GTF3C5: variants seen among roughly 807,000 people sequenced by gnomAD.
GTF3C5 encodes the protein general transcription factor 3C polypeptide 5.
GTF3C5 carries 47 observed loss-of-function variants against 61.0 expected under a neutral mutation model. That is an observed-to-expected ratio of 0.77 (90% CI 0.61 to 0.98). The LOEUF is 0.98. GTF3C5 is among the 50% of genes least tolerant of loss of function. The probability of loss-of-function intolerance (pLI) is 0.00; values close to 1 mark genes in which losing one functional copy is unlikely to be tolerated. For synonymous variants in GTF3C5, 295 were observed against 275.4 expected (o/e 1.07, Z -0.71); for missense variants, 659 against 703.3 (o/e 0.94, Z 0.71).
At position 133,045,853 on chromosome 9, in the gene GTF3C5, T is replaced by G. The variant is rs1022592284; in HGVS notation, c.572+1927T>G. ...GGTTTCACCATATTGGCCAGGCTGGTCTCGAACTCCTGGCCTCCAGTGATC... is the reference window on the plus strand; with the variant it reads ...GGTTTCACCATATTGGCCAGGCTGGGCTCGAACTCCTGGCCTCCAGTGATC... On this transcript the variant is annotated intron_variant, in intron 3 of 10. Transcript: ENST00000372097. Among the ~76,000 whole-genome samples, 3 of 151,974 alleles carry G rather than the reference T, an allele frequency of 2.0e-5. No homozygotes were observed. The East Asian group carries it at 5.8e-4, about 29-fold the overall frequency.
At chr9:133,053,793 C>G in intron 5 of GTF3C5, 35 bp from the exon 6 acceptor site, 5 of 1,409,774 alleles carry the variant, frequency 3.5e-6, no homozygotes, top group Non-Finnish European at 5.0e-6. Context: ...TGGGCCTTCA[C>G]CTCACCTCAC....
At chr9:133,049,567 C>T (rs1292663916) in intron 3 of GTF3C5, among the ~76,000 whole-genome samples, 1 of 152,152 alleles carries the variant, frequency 6.6e-6, no homozygotes, top group African/African-American at 2.4e-5. Context: ...CGATGAAATG[C>T]AGTTAACCAT....
At chr9:133,054,590 G>A in intron 7 of GTF3C5, 102 bp downstream of exon 7, 1 of 1,410,512 alleles carries the variant, frequency 7.1e-7, no homozygotes, top group Non-Finnish European at 9.8e-7. Flanking sequence ...TCACTCCAGG[G>A]CTCTGCCGGT....
At chr9:133,034,018 TA>T (rs1849800665) in intron 1 of GTF3C5, among the ~76,000 whole-genome samples, 1 of 152,072 alleles carries the variant, frequency 6.6e-6, no homozygotes, top group Non-Finnish European at 1.5e-5. Context: ...CAGTCAACCT[TA>T]GAGAGGGTTC....
chr9:133,048,975 G>T (rs1003054782), intron 3 of GTF3C5, among the ~76,000 whole-genome samples: 2 of 152,186 alleles, frequency 1.3e-5, no homozygotes, highest in Non-Finnish European at 2.9e-5. Flanking sequence ...TGCCTCCTTG[G>T]CCCCTTCCTG....
At chr9:133,054,060 C>A in intron 6 of GTF3C5, 118 bp downstream of exon 6, 1 of 735,100 alleles carries the variant, frequency 1.4e-6, no homozygotes, top group African/African-American at 1.8e-5. Flanking sequence ...ACCTTTTGCC[C>A]CCGTTGCTGA....
chr9:133,045,223 C>T (rs879661280), intron 3 of GTF3C5, among the ~76,000 whole-genome samples: 16 of 152,326 alleles, frequency 1.1e-4, no homozygotes, highest in East Asian at 1.9e-4. Flanking sequence ...TGTGCAGCAG[C>T]GCTGTGAGTG....
chr9:133,030,746 G>A (rs1248661284), upstream of GTF3C5: 8 of 581,666 alleles, frequency 1.4e-5, no homozygotes, highest in African/African-American at 1.5e-4. Flanking sequence ...GCTAGTAGGA[G>A]AGACTGGTGC....
At chr9:133,030,917 G>A (rs776900278), upstream of GTF3C5, 2 of 1,404,482 alleles carry the variant, frequency 1.4e-6, no homozygotes, top group African/African-American at 1.4e-5. Flanking sequence ...AGCGGTGAGG[G>A]AGCCCGGAAC....
chr9:133,030,782 C>T (rs1338321684), upstream of GTF3C5: 5 of 638,958 alleles, frequency 7.8e-6, no homozygotes, highest in Middle Eastern at 5.3e-4. Context: ...GACTAACTCG[C>T]TTAATTTTAA....
At chr9:133,031,260 T>C in intron 1 of GTF3C5, 96 bp downstream of exon 1, 1 of 1,101,018 alleles carries the variant, frequency 9.1e-7, no homozygotes, top group Non-Finnish European at 1.3e-6. Context: ...ATTTAGCAAA[T>C]TTACTTACGC....
chr9:133,054,889 G>T (rs748120323), intron 8 of GTF3C5, 80 bp downstream of exon 8: 19 of 1,536,834 alleles, frequency 1.2e-5, no homozygotes, highest in Non-Finnish European at 1.6e-5. Flanking sequence ...CACCTGGGGG[G>T]CTGTGATTAG....
At chr9:133,047,880 T>C (rs984319512) in intron 3 of GTF3C5, among the ~76,000 whole-genome samples, 5 of 152,208 alleles carry the variant, frequency 3.3e-5, no homozygotes, top group Non-Finnish European at 7.3e-5. Flanking sequence ...ATTCCAGCAC[T>C]TTGAGAGGCT....
chr9:133,044,557 A>G (rs1409731780), intron 3 of GTF3C5: 1 of 155,020 alleles, frequency 6.5e-6, no homozygotes, highest in African/African-American at 2.4e-5. Flanking sequence ...CCTCTTTATC[A>G]TCTGTCCCTG....
At chr9:133,050,459 C>T (rs768400985) in intron 3 of GTF3C5, among the ~76,000 whole-genome samples, 2 of 152,216 alleles carry the variant, frequency 1.3e-5, no homozygotes, top group Non-Finnish European at 2.9e-5. Flanking sequence ...TGACTCAGTG[C>T]ACTTTTGGGG....
At chr9:133,036,846 T>C (rs1467892682) in intron 1 of GTF3C5, among the ~76,000 whole-genome samples, 1 of 152,198 alleles carries the variant, frequency 6.6e-6, no homozygotes, top group Non-Finnish European at 1.5e-5. Context: ...GTTCAGTTCC[T>C]GTCCTTCGTA....
intron 1 of GTF3C5, among the ~76,000 whole-genome samples, chr9:133,035,864 G>A (rs1003487726): frequency 6.6e-6 from 1 of 152,190 alleles, no homozygotes; most frequent in African/African-American, 2.4e-5. Context: ...TGTGGGCAAG[G>A]TCTTGGCCTT....
chr9:133,053,539 T>G (rs1829824983), intron 5 of GTF3C5, among the ~76,000 whole-genome samples: 1 of 152,146 alleles, frequency 6.6e-6, no homozygotes, highest in Non-Finnish European at 1.5e-5. Flanking sequence ...GAACCGTGAT[T>G]TTGCCACTGC....
At chr9:133,044,609 G>C (rs954699218) in intron 3 of GTF3C5, among the ~76,000 whole-genome samples, 8 of 152,010 alleles carry the variant, frequency 5.3e-5, no homozygotes, top group Non-Finnish European at 8.8e-5. Flanking sequence ...GCCAAGCCTT[G>C]GTCCTACTTC....
Sources: gnomAD v4.1 joint callset for allele counts (sites outside exome capture counted in the v4.1 genomes callset) on GRCh38, gnomAD v4.1.1 for gene constraint, MANE v1.5 for transcripts, NCBI Gene and HGNC (gene_info 2026-07-23, HGNC 2026-07-21) for gene names.